KMT2C: variants seen among roughly 807,000 people sequenced by gnomAD.
The protein encoded by KMT2C is histone-lysine N-methyltransferase 2C.
In KMT2C, 88 loss-of-function variants were observed where a neutral mutation model predicts 507.9. The observed-to-expected ratio is 0.17, with a 90% confidence interval of 0.15 to 0.21. The LOEUF (loss-of-function observed/expected upper bound fraction) is 0.21. KMT2C is among the 10% of genes least tolerant of loss of function. The pLI, the probability that KMT2C is intolerant of heterozygous loss-of-function variation, is 1.00. For synonymous variants in KMT2C, 2,049 were observed against 2,080.8 expected (o/e 0.98, Z 0.42); for missense variants, 4,954 against 5,957.8 (o/e 0.83, Z 5.55).
chr7:152,394,879 G>A (rs867983886), intron 1 of KMT2C, among the ~76,000 whole-genome samples: 4 of 152,148 alleles, frequency 2.6e-5, no homozygotes, highest in African/African-American at 7.2e-5. Flanking sequence ...ATCTAGGTCC[G>A]TGATAATTTA....
chr7:152,280,424 G>A (rs371737147), intron 6 of KMT2C, among the ~76,000 whole-genome samples: 2 of 152,200 alleles, frequency 1.3e-5, no homozygotes, highest in Admixed American at 1.3e-4. Context: ...GGTGGCGCAC[G>A]CCTGTAATCC....
rs2129231466 is a variant in KMT2C, at chr7:152,358,630, C to T, written c.207G>A (p.Met69Ile). 1 of 1,611,746 alleles carries T rather than the reference C, an allele frequency of 6.2e-7. No homozygotes were observed. Among genetic ancestry groups the T allele is most frequent in the Non-Finnish European group, 8.5e-7 (1 of 1,178,784 alleles). Residue 69 changes from methionine (M) to isoleucine (I), a missense_variant, in exon 2 of 59, where the codon ATG becomes ATA. Met to Ile is a conservative substitution (Grantham distance 10). Transcript: ENST00000262189. Reference protein sequence around the residue: ...GKTAVEDEDSMDGLETTETET... With the variant: ...GKTAVEDEDSIDGLETTETET... ...CTGTTTCTGTTGTCTCCAGCCCATC[C>T]ATGCTGTCCTCATCTTCCACTGCAG...
At chr7:152,435,179 C>G (rs2097905125) in intron 1 of KMT2C, among the ~76,000 whole-genome samples, 1 of 152,144 alleles carries the variant, frequency 6.6e-6, no homozygotes, top group Non-Finnish European at 1.5e-5. Flanking sequence ...CCGAGACCAC[C>G]TGGCCCGGGC....
At chr7:152,208,563 A>C (rs1047818130) in intron 23 of KMT2C, among the ~76,000 whole-genome samples, 2 of 152,200 alleles carry the variant, frequency 1.3e-5, no homozygotes, top group African/African-American at 4.8e-5. Flanking sequence ...TAAATACTTC[A>C]CTGAATGAGG....
At chr7:152,210,562 C>T (rs908235705) in intron 23 of KMT2C, among the ~76,000 whole-genome samples, 6 of 151,062 alleles carry the variant, frequency 4.0e-5, no homozygotes, top group African/African-American at 1.5e-4. Flanking sequence ...TAAAAAAGCT[C>T]ATCAGCTATC....
rs71294474 is a variant in KMT2C at position 152,299,319 on chromosome 7, A to AAAATAAATAAATAAAT, written c.849+10631_849+10646dup. Among the ~76,000 whole-genome samples, 1,363 of 146,748 alleles carry AAAATAAATAAATAAAT rather than the reference A, an allele frequency of 9.3e-3. 27 individuals are homozygous for AAAATAAATAAATAAAT. Among genetic ancestry groups the AAAATAAATAAATAAAT allele is most frequent in the African/African-American group, 0.033 (1,286 of 38,828 alleles). Reference sequence around the variant, plus strand: ...GCAACAGAGCGAGACTCTATCTCAAAAAATAAATAAATAAATAAATAAATA... The same window carrying AAAATAAATAAATAAAT: ...GCAACAGAGCGAGACTCTATCTCAAAAAATAAATAAATAAATAAATAAATAAATAAATAAATAAATA... On this transcript the variant is annotated intron_variant, in intron 6 of 58. Transcript: ENST00000262189.
intron 6 of KMT2C, among the ~76,000 whole-genome samples, chr7:152,282,961 T>C (rs2096245014): frequency 6.6e-6 from 1 of 152,182 alleles, no homozygotes; most frequent in South Asian, 2.1e-4. Context: ...CATGAAATTC[T>C]ATATCAAGGT....
chr7:152,364,930 GACAGAC>G lies in KMT2C; in HGVS notation c.162-6261_162-6256del, dbSNP rs1554680321. Among the ~76,000 whole-genome samples, 584 of 130,300 alleles carry G rather than the reference GACAGAC, an allele frequency of 4.5e-3. 4 individuals are homozygous for G. Among genetic ancestry groups the G allele is most frequent in the African/African-American group, 0.017 (565 of 32,298 alleles). The allele number at this position is 130,300 out of a possible 152,430, so 85.5% of individuals were successfully genotyped here. A position where few individuals can be genotyped will look rare whatever the true frequency, so the allele number is the denominator to read the frequency against. On this transcript the variant is annotated intron_variant, in intron 1 of 58. Transcript: ENST00000262189. ...TCCAAGCACAACAAAATCTGAAACA[GACAGAC>G]ACACACACACACACACACACACACA...
chr7:152,173,206 T>C (rs1453312653), intron 39 of KMT2C, among the ~76,000 whole-genome samples: 1 of 152,206 alleles, frequency 6.6e-6, no homozygotes, highest in Admixed American at 6.5e-5. Flanking sequence ...ATTATACCCT[T>C]AAGAATTCAA....
At chr7:152,277,437 A>G (rs1445038766) in intron 6 of KMT2C, among the ~76,000 whole-genome samples, 3 of 152,224 alleles carry the variant, frequency 2.0e-5, no homozygotes, top group Non-Finnish European at 4.4e-5. Flanking sequence ...CCAAAATTCT[A>G]AAGGAAAAGT....
At chr7:152,372,681 T>C (rs949175456) in intron 1 of KMT2C, among the ~76,000 whole-genome samples, 3 of 152,200 alleles carry the variant, frequency 2.0e-5, no homozygotes, top group African/African-American at 7.2e-5. Flanking sequence ...TTTATAAATA[T>C]ATATACATGC....
intron 18 of KMT2C, among the ~76,000 whole-genome samples, chr7:152,225,019 C>CA (rs2129148204): frequency 1.3e-5 from 2 of 151,952 alleles, no homozygotes; most frequent in East Asian, 1.9e-4. Flanking sequence ...GAAAAAATAC[C>CA]AAAAAAATTA....
chr7:152,334,401 G>A (rs71541750), intron 2 of KMT2C, among the ~76,000 whole-genome samples: 1 of 152,156 alleles, frequency 6.6e-6, no homozygotes, highest in African/African-American at 2.4e-5. Context: ...GCGGTGAGCC[G>A]AGATCATGCC....
intron 2 of KMT2C, among the ~76,000 whole-genome samples, chr7:152,334,049 T>C (rs1052111345): frequency 6.6e-6 from 1 of 151,866 alleles, no homozygotes; most frequent in African/African-American, 2.4e-5. Flanking sequence ...AATGAATGTG[T>C]CACAGATGAG....
At position 152,194,139 on chromosome 7, in the gene KMT2C, A is replaced by C. The variant is rs570748728; in HGVS notation, c.4541-11T>G. The C allele has an allele frequency of 2.5e-6, 4 of 1,569,078 alleles. No homozygotes were observed. The Admixed American group carries it at 8.4e-5, about 33-fold the overall frequency. On this transcript the variant is annotated splice_polypyrimidine_tract_variant and intron_variant, in intron 30 of 58. Transcript: ENST00000262189. ...CTTTTCCGCCAAGCTCTAGGAGATA[A>C]AACAATAATAGTAACAAGATTAAAA... is the stretch of plus-strand genomic sequence containing the variant.
At chr7:152,284,887 T>G (rs2096271602) in intron 6 of KMT2C, among the ~76,000 whole-genome samples, 1 of 152,248 alleles carries the variant, frequency 6.6e-6, no homozygotes, top group East Asian at 1.9e-4. Flanking sequence ...ACCAGATGGC[T>G]AAAATTTAGA....
Position 152,144,473 on chromosome 7 carries a change from A to G in KMT2C, c.14343+240T>C, listed in dbSNP as rs747169171. 1.6e-4 allele frequency among the ~76,000 whole-genome samples: 24 copies of G among 152,224 alleles called. No homozygotes were observed. Among genetic ancestry groups the G allele is most frequent in the Non-Finnish European group, 2.2e-4 (15 of 68,040 alleles). ...TACCTGCCTCCCAGGAGCTCTCAACAAGATGCAAAGATGTGGATTCCACTG... is the reference window on the plus strand; with the variant it reads ...TACCTGCCTCCCAGGAGCTCTCAACGAGATGCAAAGATGTGGATTCCACTG... On this transcript the variant is annotated intron_variant, in intron 55 of 58. Coordinates refer to ENST00000262189, the MANE Select transcript of KMT2C (RefSeq NM_170606.3). This position sits in a 1 kb window ranked among gnomAD's most constrained non-coding sequence, Gnocchi z 4.4.
At chr7:152,245,882 T>A (rs1348092241) in intron 14 of KMT2C, among the ~76,000 whole-genome samples, 2 of 152,082 alleles carry the variant, frequency 1.3e-5, no homozygotes, top group Non-Finnish European at 2.9e-5. Flanking sequence ...TAACAAAAAA[T>A]AGCTGGAAAC....
chr7:152,157,710 G>A, intron 44 of KMT2C: 2 of 1,082,372 alleles, frequency 1.8e-6, no homozygotes, highest in Non-Finnish European at 2.3e-6. Context: ...TATCAATTCT[G>A]ACATGTTACC....
Sources: gnomAD v4.1 joint callset for allele counts (sites outside exome capture counted in the v4.1 genomes callset) on GRCh38, gnomAD v4.1.1 for gene constraint, Gnocchi (gnomAD v3.1) non-coding constraint, MANE v1.5 for transcripts, NCBI Gene and HGNC (gene_info 2026-07-23, HGNC 2026-07-21) for gene names.